NFRKB: variants seen among roughly 807,000 people sequenced by gnomAD.
NFRKB encodes nuclear factor related to kappa-B-binding protein.
NFRKB carries 62 observed loss-of-function variants against 135.7 expected under a neutral mutation model. That is an observed-to-expected ratio of 0.46 (90% CI 0.37 to 0.56). The LOEUF (loss-of-function observed/expected upper bound fraction) is 0.56. Among genes scored for constraint, NFRKB ranks in the 20% least tolerant of loss-of-function variants. The pLI is 0.00. For missense variants in NFRKB, 1,545 were observed against 1,662.0 expected (o/e 0.93, Z 1.22); for synonymous variants, 678 against 635.6 (o/e 1.07, Z -1.00).
At chr11:129,893,180 A>G (rs895696502) in intron 2 of NFRKB, 25 of 832,910 alleles carry the variant, frequency 3.0e-5, no homozygotes, top group Non-Finnish European at 4.0e-5. Flanking sequence ...ACAGATCACA[A>G]TCTATAATTT....
chr11:129,890,406 A>G (rs186793219), intron 3 of NFRKB, among the ~76,000 whole-genome samples: 6 of 152,310 alleles, frequency 3.9e-5, no homozygotes, highest in Non-Finnish European at 5.9e-5. Context: ...ACTGCCCTGA[A>G]AGAGTATGCC....
At chr11:129,868,020 T>TA (rs1158560123) in intron 24 of NFRKB, among the ~76,000 whole-genome samples, 11 of 152,172 alleles carry the variant, frequency 7.2e-5, no homozygotes, top group Non-Finnish European at 1.6e-4. Context: ...CTTTTTTTTT[T>TA]TAAAACTCAA....
Position 129,872,913 on chromosome 11 carries a change from T to G in NFRKB, c.2734A>C (p.Asn912His). The G allele has an allele frequency of 6.2e-7, 1 of 1,612,710 alleles. No individual in the cohort carries two copies. The highest frequency in any genetic ancestry group is 1.1e-5 in the South Asian group (1 of 90,970). ...TTGATGATGTTCTGTCCTGTGACAT[T>G]TTGAATGACGGCAGCCGTGGAGGCA... ...PSASTAAVIQ[N>H]VTGQNIIKQV... is the part of the protein sequence containing the mutation. Residue 912 changes from asparagine (N) to histidine (H), a missense_variant, in exon 23 of 27, where the codon AAT becomes CAT. Transcript: ENST00000682444.
intron 3 of NFRKB, among the ~76,000 whole-genome samples, chr11:129,892,286 T>C (rs1180322925): frequency 8.5e-5 from 13 of 152,200 alleles, no homozygotes; most frequent in East Asian, 7.7e-4. Flanking sequence ...CTGCCACTTA[T>C]AAGTGAGAAT....
At chr11:129,888,309 C>A in intron 4 of NFRKB, 1 of 603,910 alleles carries the variant, frequency 1.7e-6, no homozygotes, top group African/African-American at 1.9e-5. Flanking sequence ...ACATGAAGGG[C>A]ACCTCTAGTA....
In NFRKB at chr11:129,881,511, G is replaced by T; in HGVS notation, c.1319-3C>A. 6.2e-7 allele frequency: 1 copy of T among 1,614,110 alleles called. No homozygotes were observed. Among genetic ancestry groups the T allele is most frequent in the Non-Finnish European group, 8.5e-7 (1 of 1,180,010 alleles). On this transcript the variant is annotated splice_region_variant and splice_polypyrimidine_tract_variant and intron_variant, in intron 12 of 26. Transcript: ENST00000682444. ...TGGAGAGAAACTGGAAGGAACAGCT[G>T]CAAGAAATGGACCACATAAACAAAC...
Position 129,892,825 on chromosome 11 carries a change from T to C in NFRKB, c.25A>G (p.Thr9Ala). ...CACGGACCAAGTTCCAGAGGATCTGTCAGCATATGGTCTAAGGAATCCATT... is the reference window on the plus strand; with the variant it reads ...CACGGACCAAGTTCCAGAGGATCTGCCAGCATATGGTCTAAGGAATCCATT... Reference protein sequence around the residue: MDSLDHMLTDPLELGPCGD... With the variant: MDSLDHMLADPLELGPCGD... Residue 9 changes from threonine (T) to alanine (A), a missense_variant, in exon 3 of 27, where the codon ACA becomes GCA. Around this residue, in one of 3 missense-constraint regions of NFRKB, gnomAD observed 678 missense variants for 646.7 expected, o/e 1.05. Transcript: ENST00000682444. The C allele has an allele frequency of 6.2e-7, 1 of 1,614,194 alleles. No individual in the cohort carries two copies. Among genetic ancestry groups the C allele is most frequent in the Non-Finnish European group, 8.5e-7 (1 of 1,180,040 alleles).
chr11:129,864,969 T>A lies in NFRKB; in HGVS notation c.3771A>T (p.Thr1257=). ...AAGAATTTGCCCTGGGCCTTACCTGTGTGGCCTGACCTTGCTGCTGAAGCT... is the reference window on the plus strand; with the variant it reads ...AAGAATTTGCCCTGGGCCTTACCTGAGTGGCCTGACCTTGCTGCTGAAGCT... ...LQQLQQQGQA[T]QVRIQTVPAS... is the part of the protein sequence containing the mutation. Residue 1257 remains threonine, a synonymous_variant, in exon 26 of 27, where the codon ACA becomes ACT. Transcript: ENST00000682444. 8 of 1,613,374 alleles carry A rather than the reference T, an allele frequency of 5.0e-6. No individual in the cohort carries two copies. Among genetic ancestry groups the A allele is most frequent in the Non-Finnish European group, 6.8e-6 (8 of 1,179,760 alleles).
Position 129,886,437 on chromosome 11 carries a change from G to C in NFRKB, c.345C>G (p.His115Gln). The change falls in exon 5 of 27, where the codon CAC becomes CAG. Residue 115 changes from histidine to glutamine, a missense_variant. His to Gln is a conservative substitution (Grantham distance 24, BLOSUM62 0). Transcript: ENST00000682444. Reference protein sequence around the residue: ...HIAQKLFRDGHFNPEVVKYRQ... With the variant: ...HIAQKLFRDGQFNPEVVKYRQ... Reference sequence around the variant, plus strand: ...GGTACTTGACCACCTCGGGGTTAAAGTGTCCGTCTTAAAAAAATAAAGGTA... The same window carrying C: ...GGTACTTGACCACCTCGGGGTTAAACTGTCCGTCTTAAAAAAATAAAGGTA... 6.2e-7 allele frequency: 1 copy of C among 1,613,788 alleles called. No individual in the cohort carries two copies. The highest frequency in any genetic ancestry group is 1.1e-5 in the South Asian group (1 of 91,070).
At chr11:129,885,287 C>A in intron 6 of NFRKB, 148 bp downstream of exon 6, 1 of 830,354 alleles carries the variant, frequency 1.2e-6, no homozygotes, top group East Asian at 2.7e-5. Flanking sequence ...AAGACCAAGG[C>A]CTTCTGAGTC....
At chr11:129,865,122 TGA>T (rs748619840) in intron 25 of NFRKB, 21 bp from the exon 26 acceptor site, 3 of 1,596,920 alleles carry the variant, frequency 1.9e-6, no homozygotes, top group Non-Finnish European at 2.6e-6. Flanking sequence ...AAAGCAGGGG[TGA>T]GATATAATGA....
At chr11:129,865,143 G>A in intron 25 of NFRKB, 42 bp from the exon 26 acceptor site, 2 of 1,585,224 alleles carry the variant, frequency 1.3e-6, no homozygotes, top group South Asian at 2.2e-5. Context: ...GATATCGACA[G>A]GTATTCTCTG....
Position 129,864,629 on chromosome 11 carries a change from A to G in NFRKB, c.*96T>C. ...ATCACCCCTCGCCTGGCTGCCTTGA[A>G]CAGGCAAGCTTAAAACAATGATGCA... On this transcript the variant is annotated 3_prime_UTR_variant, in exon 27 of 27. Transcript: ENST00000682444. 6.4e-7 allele frequency: 1 copy of G among 1,553,496 alleles called. No individual in the cohort carries two copies. Among genetic ancestry groups the G allele is most frequent in the Non-Finnish European group, 8.8e-7 (1 of 1,139,958 alleles).
chr11:129,894,961 T>C (rs1306567487), intron 1 of NFRKB, among the ~76,000 whole-genome samples: 3 of 152,186 alleles, frequency 2.0e-5, no homozygotes, highest in Non-Finnish European at 4.4e-5. Flanking sequence ...CTAAAGTTAA[T>C]CTAGTCCACT....
At position 129,869,643 on chromosome 11, in the gene NFRKB, C is replaced by T. The variant is rs201961766; in HGVS notation, c.3382G>A (p.Ala1128Thr). 1 of 1,614,214 alleles carries T rather than the reference C, an allele frequency of 6.2e-7. No individual in the cohort carries two copies. The highest frequency in any genetic ancestry group is 8.5e-7 in the Non-Finnish European group (1 of 1,180,044). Reference protein sequence around the residue: ...ASGSGTVHTSAVSLPSMNAAV... With the variant: ...ASGSGTVHTSTVSLPSMNAAV... ...GCATTCATACTGGGTAAGGACACCG[C>T]TGAAGTATGGACAGTTCCAGACCCA... The change falls in exon 24 of 27, where the codon GCG (alanine) becomes ACG (threonine). Residue 1128 changes from alanine to threonine, a missense_variant. Physicochemically the swap from Ala to Thr is moderately conservative, Grantham distance 58 (BLOSUM62 0). Around this residue, in one of 3 missense-constraint regions of NFRKB, gnomAD observed 753 missense variants for 804.3 expected, o/e 0.94. Coordinates refer to ENST00000682444, the MANE Select transcript of NFRKB (RefSeq NM_001143835.2).
rs532930547 is a variant in NFRKB at position 129,866,696 on chromosome 11, T to C, written c.3532-713A>G. 2.0e-5 allele frequency among the ~76,000 whole-genome samples: 3 copies of C among 152,356 alleles called. No homozygotes were observed. The East Asian group carries it at 5.8e-4, about 29-fold the overall frequency. ...CTTCAGGATGGTTAAGATAGGTCAC[T>C]GCATTACCTGTTTTCAGATGGCCTT... On this transcript the variant is annotated intron_variant, in intron 24 of 26. Coordinates refer to ENST00000682444, the MANE Select transcript of NFRKB (RefSeq NM_001143835.2).
intron 5 of NFRKB, 108 bp downstream of exon 5, chr11:129,886,209 G>T: frequency 7.9e-7 from 1 of 1,258,400 alleles, no homozygotes. Flanking sequence ...TTAATTGGTA[G>T]CATTTTTTTC....
rs2303665 is a variant in NFRKB, at chr11:129,876,660, G to A, written c.1747+61C>T. 1.8e-3 allele frequency: 2,752 copies of A among 1,558,606 alleles called. 5 individuals are homozygous for A. Among genetic ancestry groups the A allele is most frequent in the Non-Finnish European group, 2.1e-3 (2,396 of 1,145,890 alleles). ...TAAGGAGAGGACAGAGTTCAGAGTT[G>A]GTAAGAGAAAAGCTGCGGGGTGAAG... is the stretch of plus-strand genomic sequence containing the variant. On this transcript the variant is annotated intron_variant, in intron 17 of 26. Transcript: ENST00000682444.
In NFRKB at chr11:129,883,420, C is replaced by G. The variant is rs766048282; in HGVS notation, c.817-214G>C. ...TGCACAGAACCCAGTTCCAATCTTT[C>G]TACCGTACAGCATTTAATTATAAAG... On this transcript the variant is annotated intron_variant, in intron 8 of 26. Coordinates refer to ENST00000682444, the MANE Select transcript of NFRKB (RefSeq NM_001143835.2). 2.9e-4 allele frequency among the ~76,000 whole-genome samples: 44 copies of G among 152,220 alleles called. 1 individual carries two copies. Among genetic ancestry groups the G allele is most frequent in the Admixed American group, 2.6e-3 (40 of 15,284 alleles).
Sources: gnomAD v4.1 joint callset for allele counts (sites outside exome capture counted in the v4.1 genomes callset) on GRCh38, gnomAD v4.1.1 for gene constraint, gnomAD v4.1.1 regional missense constraint, MANE v1.5 for transcripts, NCBI Gene and HGNC (gene_info 2026-07-23, HGNC 2026-07-21) for gene names.